MAGI2: variants seen among roughly 807,000 people sequenced by gnomAD.
MAGI2 encodes membrane-associated guanylate kinase, WW and PDZ domain-containing protein 2.
A neutral mutation model predicts 133.3 loss-of-function variants in MAGI2; 35 were observed. That is an observed-to-expected ratio of 0.26 (90% CI 0.20 to 0.35). The LOEUF (loss-of-function observed/expected upper bound fraction) is 0.35, where lower values mean the gene tolerates loss of function less well. Among genes scored for constraint, MAGI2 ranks in the 10% least tolerant of loss-of-function variants. The pLI, the probability that MAGI2 is intolerant of heterozygous loss-of-function variation, is 1.00. For synonymous variants in MAGI2, 729 were observed against 710.6 expected, an observed-to-expected ratio of 1.03 and a Z score of -0.41; for missense variants, 1,636 against 1,863.4, an observed-to-expected ratio of 0.88 and a Z score of 2.25.
At position 79,208,778 on chromosome 7, in the gene MAGI2, C is replaced by G. The variant is rs552428726; in HGVS notation, c.302-201572G>C. 4.6e-5 allele frequency among the ~76,000 whole-genome samples: 7 copies of G among 151,880 alleles called. No homozygotes were observed. The South Asian group carries it at 1.5e-3, about 32-fold the overall frequency. On this transcript the variant is annotated intron_variant, in intron 1 of 21. Transcript: ENST00000354212. ...ACAATAGACAAGATATGGAATTAAC[C>G]TAAGTGTTCATCAGTGGATGAGTTT...
intron 2 of MAGI2, among the ~76,000 whole-genome samples, chr7:78,804,761 A>AAAAACAAAAAC (rs1554576096): frequency 7.0e-6 from 1 of 143,524 alleles, no homozygotes; most frequent in Non-Finnish European, 1.5e-5. Flanking sequence ...AAAAAAAAAA[A>AAAAACAAAAAC]AAAAAAAAAA....
Position 78,289,902 on chromosome 7 carries a change from G to A in MAGI2, c.1409-33321C>T, listed in dbSNP as rs187465899. Among the ~76,000 whole-genome samples the A allele has an allele frequency of 2.0e-3, 305 of 152,238 alleles. 2 individuals are homozygous for A. Among genetic ancestry groups the A allele is most frequent in the African/African-American group, 6.9e-3 (285 of 41,532 alleles). On this transcript the variant is annotated intron_variant, in intron 9 of 21. Coordinates refer to ENST00000354212, the MANE Select transcript of MAGI2 (RefSeq NM_012301.4). Reference sequence around the variant, plus strand: ...GATCCTTTACAGACAAGCAAATGCTGAGAGATTTTGTCACCACCAGGCCTG... The same window carrying A: ...GATCCTTTACAGACAAGCAAATGCTAAGAGATTTTGTCACCACCAGGCCTG...
intron 1 of MAGI2, among the ~76,000 whole-genome samples, chr7:79,258,370 A>G (rs1487177671): frequency 6.6e-6 from 1 of 152,200 alleles, no homozygotes. Context: ...AACAGGGGAA[A>G]AAACTTTATA....
At chr7:78,983,449 T>G (rs1804961036) in intron 2 of MAGI2, among the ~76,000 whole-genome samples, 1 of 151,924 alleles carries the variant, frequency 6.6e-6, no homozygotes, top group South Asian at 2.1e-4. Context: ...TGGATTAGAG[T>G]AGAATGTTCT....
chr7:79,055,409 C>A (rs1454158242), intron 1 of MAGI2, among the ~76,000 whole-genome samples: 1 of 151,996 alleles, frequency 6.6e-6, no homozygotes, highest in Non-Finnish European at 1.5e-5. Context: ...TAAAATTCTG[C>A]AATTCTAACC....
intron 2 of MAGI2, among the ~76,000 whole-genome samples, chr7:78,880,985 A>G (rs1349043076): frequency 1.3e-5 from 2 of 152,212 alleles, no homozygotes; most frequent in East Asian, 3.8e-4. Flanking sequence ...AGGCCCTTAT[A>G]TAAAGATCAA....
intron 1 of MAGI2, among the ~76,000 whole-genome samples, chr7:79,170,760 T>C (rs1425999310): frequency 3.9e-5 from 6 of 152,096 alleles, no homozygotes; most frequent in Non-Finnish European, 8.8e-5. Context: ...TATACAGATC[T>C]GTCAGCAGGT....
chr7:78,641,512 G>A (rs766066518), intron 2 of MAGI2, among the ~76,000 whole-genome samples: 7 of 152,110 alleles, frequency 4.6e-5, no homozygotes, highest in Non-Finnish European at 8.8e-5. Flanking sequence ...GAAGTCGTTT[G>A]CCCACCCCTA....
chr7:78,905,135 AC>A, intron 2 of MAGI2, among the ~76,000 whole-genome samples: 5 of 152,242 alleles, frequency 3.3e-5, no homozygotes, highest in Admixed American at 3.3e-4. Context: ...TGAGTTTCAA[AC>A]CTTTATCATT....
intron 3 of MAGI2, among the ~76,000 whole-genome samples, chr7:78,585,385 T>G (rs569386152): frequency 6.6e-6 from 1 of 152,302 alleles, no homozygotes; most frequent in East Asian, 1.9e-4. Context: ...TACTCAGGTA[T>G]CTGAAGGTTC....
At chr7:78,722,075 G>T (rs1027273894) in intron 2 of MAGI2, among the ~76,000 whole-genome samples, 8 of 150,870 alleles carry the variant, frequency 5.3e-5, no homozygotes, top group Non-Finnish European at 8.9e-5. Flanking sequence ...ACCCATAAAA[G>T]GTATGACTCT....
At chr7:79,331,467 A>G (rs1318659736) in intron 1 of MAGI2, among the ~76,000 whole-genome samples, 1 of 152,192 alleles carries the variant, frequency 6.6e-6, no homozygotes, top group Non-Finnish European at 1.5e-5. Context: ...ATATAGTTAC[A>G]TGGGAACTAT....
intron 2 of MAGI2, among the ~76,000 whole-genome samples, chr7:78,983,815 C>G (rs1805000878): frequency 6.6e-6 from 1 of 151,832 alleles, no homozygotes; most frequent in Admixed American, 6.6e-5. Flanking sequence ...GTACCTAGGG[C>G]TCATTCCTAA....
At chr7:78,125,643 T>A in intron 20 of MAGI2, 51 bp downstream of exon 20, 1 of 1,589,948 alleles carries the variant, frequency 6.3e-7, no homozygotes. Flanking sequence ...AATACCACAG[T>A]CGGTTTTTCT....
At chr7:78,199,080 A>T (rs1023225890) in intron 11 of MAGI2, among the ~76,000 whole-genome samples, 4 of 152,186 alleles carry the variant, frequency 2.6e-5, no homozygotes, top group Non-Finnish European at 5.9e-5. Flanking sequence ...TACTCTACTT[A>T]GCGTCTTCCT....
At chr7:78,043,207 A>G (rs1380555721) in intron 21 of MAGI2, among the ~76,000 whole-genome samples, 2 of 152,242 alleles carry the variant, frequency 1.3e-5, no homozygotes, top group Admixed American at 6.5e-5. Flanking sequence ...TTTCTTACCT[A>G]TAACACCTGA....
chr7:79,299,882 A>G lies in MAGI2; in HGVS notation c.301+153138T>C, dbSNP rs534308044. On this transcript the variant is annotated intron_variant, in intron 1 of 21. Transcript: ENST00000354212. Reference sequence around the variant, plus strand: ...GGTCATTTAAAAGTATGTGACATCTACTCCCCTCACTCTTTCTCTCTTGTT... The same window carrying G: ...GGTCATTTAAAAGTATGTGACATCTGCTCCCCTCACTCTTTCTCTCTTGTT... 2.0e-5 allele frequency among the ~76,000 whole-genome samples: 3 copies of G among 151,620 alleles called. No individual in the cohort carries two copies. The South Asian group carries it at 6.3e-4, about 32-fold the overall frequency.
intron 1 of MAGI2, among the ~76,000 whole-genome samples, chr7:79,254,990 C>A (rs1247309852): frequency 6.6e-6 from 1 of 152,162 alleles, no homozygotes; most frequent in East Asian, 1.9e-4. Flanking sequence ...TCTTCTGAGC[C>A]ATGCTAATAA....
At chr7:78,254,959 TA>T (rs1416540135) in intron 10 of MAGI2, 1 of 152,282 alleles carries the variant, frequency 6.6e-6, no homozygotes, top group Non-Finnish European at 1.5e-5. Flanking sequence ...TATCCCATTG[TA>T]ACAGATGACA....
Sources: allele counts gnomAD v4.1 joint callset (sites outside exome capture counted in the v4.1 genomes callset), GRCh38; gene constraint gnomAD v4.1.1; transcripts MANE v1.5; gene names NCBI Gene and HGNC (gene_info 2026-07-23, HGNC 2026-07-21).